Variants in DIAPH2 observed in about 807,000 individuals in gnomAD.
DIAPH2 encodes the protein diaphanous related formin 2.
A neutral mutation model predicts 92.7 loss-of-function variants in DIAPH2; 35 were observed. The ratio of observed to expected loss-of-function variants is 0.38; its 90% confidence interval spans 0.29 to 0.50. The LOEUF is 0.50. DIAPH2 is among the 20% of genes least tolerant of loss of function. The pLI, the probability that DIAPH2 is intolerant of heterozygous loss-of-function variation, is 0.94. For synonymous variants in DIAPH2, 301 were observed against 280.4 expected, an observed-to-expected ratio of 1.07 and a Z score of -0.73; for missense variants, 701 against 819.5, an observed-to-expected ratio of 0.86 and a Z score of 1.77.
intron 20 of DIAPH2, among the ~76,000 whole-genome samples, chrX:97,105,422 G>A (rs148673965): frequency 0.028 from 3,165 of 111,736 alleles, 45 homozygotes; most frequent in Middle Eastern, 0.06. Context: ...ATCTTGTTTA[G>A]GGGGTAGATT....
At position 97,144,772 on chromosome X, in the gene DIAPH2, C is replaced by A. The variant is rs868332529; in HGVS notation, c.2719+2978C>A. 9.8e-5 allele frequency among the ~76,000 whole-genome samples: 6 copies of A among 61,510 alleles called. No homozygotes were observed. In the East Asian group the frequency reaches 4.0e-3, roughly 41 times the overall value. The allele number at this position is 61,510 out of a possible 115,157, so 53.4% of individuals were successfully genotyped here. ...AATTTCTTTCTTTCTTTCTTTCTTT[C>A]TTTCTTTTTTGAGACGAAGTCTTGC... On this transcript the variant is annotated intron_variant, in intron 22 of 26. Coordinates refer to ENST00000324765, the MANE Select transcript of DIAPH2 (RefSeq NM_006729.5).
chrX:96,902,081 T>A (rs2065401396), intron 5 of DIAPH2, among the ~76,000 whole-genome samples: 1 of 111,966 alleles, frequency 8.9e-6, no homozygotes, highest in African/African-American at 3.2e-5. Flanking sequence ...TTCCATGTAT[T>A]TGCATAGCTT....
At chrX:97,473,917 G>A (rs557582696) in intron 26 of DIAPH2, among the ~76,000 whole-genome samples, 213 of 112,367 alleles carry the variant, frequency 1.9e-3, no homozygotes, top group African/African-American at 6.6e-3. Context: ...CAGAGATCAT[G>A]CCACTGCACT....
At chrX:96,969,183 G>T (rs780351584) in intron 17 of DIAPH2, among the ~76,000 whole-genome samples, 24 of 111,665 alleles carry the variant, frequency 2.1e-4, no homozygotes, top group Admixed American at 5.7e-4. Context: ...TCTGCTTTTC[G>T]CTTAGGATTG....
chrX:97,553,825 A>C (rs994541942), intron 26 of DIAPH2, among the ~76,000 whole-genome samples: 1 of 110,577 alleles, frequency 9.0e-6, no homozygotes, highest in East Asian at 2.8e-4. Context: ...TTGTATCTTG[A>C]CTCTTCCTAC....
chrX:97,578,620 G>A (rs2071415329), intron 26 of DIAPH2, among the ~76,000 whole-genome samples: 1 of 83,868 alleles, frequency 1.2e-5, no homozygotes, highest in African/African-American at 4.3e-5. Flanking sequence ...GAATAATGCT[G>A]CAATAAACAT....
rs1158464692 is a variant in DIAPH2, at chrX:97,114,741, A to T, written c.2365A>T (p.Met789Leu). ...TATCTTACAGATGAGCTCTGTGAAA[A>T]TGTTACAGCCTCGTCTCAGTAGTAT... ...QFGVVMSSVK[M>L]LQPRLSSILF... The change falls in exon 21 of 27, where the codon ATG becomes TTG. Residue 789 changes from methionine (M) to leucine (L), a missense_variant. Transcript: ENST00000324765. 1 of 1,204,708 alleles carries T rather than the reference A, an allele frequency of 8.3e-7. No individual in the cohort carries two copies. The highest frequency in any genetic ancestry group is 2.2e-5 in the Admixed American group (1 of 45,165).
intron 25 of DIAPH2, among the ~76,000 whole-genome samples, chrX:97,396,049 A>G (rs2069700469): frequency 8.9e-6 from 1 of 112,480 alleles, no homozygotes; most frequent in Non-Finnish European, 1.9e-5. Flanking sequence ...AATAAAACTG[A>G]CTATATAAGA....
chrX:97,595,436 C>G (rs557673290), intron 26 of DIAPH2, among the ~76,000 whole-genome samples: 2 of 111,926 alleles, frequency 1.8e-5, no homozygotes, highest in Admixed American at 9.5e-5. Context: ...AGCTGGTTAA[C>G]CTGATATTCA....
intron 4 of DIAPH2, among the ~76,000 whole-genome samples, chrX:96,845,181 C>T (rs1360871210): frequency 3.6e-5 from 4 of 111,622 alleles, no homozygotes; most frequent in Admixed American, 1.9e-4. Context: ...GGTTGCACTG[C>T]AATTTTTCTG....
At chrX:96,892,361 C>A (rs908032295) in intron 5 of DIAPH2, among the ~76,000 whole-genome samples, 2 of 112,057 alleles carry the variant, frequency 1.8e-5, no homozygotes, top group African/African-American at 3.2e-5. Context: ...TTTGGAACTT[C>A]TTTGCTTTCA....
intron 17 of DIAPH2, among the ~76,000 whole-genome samples, chrX:97,003,237 A>ATTG (rs2066156993): frequency 9.0e-6 from 1 of 111,248 alleles, no homozygotes; most frequent in African/African-American, 3.3e-5. Context: ...AATCTTAGCT[A>ATTG]TTGTAAACAG....
At chrX:97,071,451 C>T (rs906108393) in intron 17 of DIAPH2, among the ~76,000 whole-genome samples, 2 of 110,568 alleles carry the variant, frequency 1.8e-5, no homozygotes, top group African/African-American at 6.6e-5. Context: ...ATGTTGAATC[C>T]ACATGGCAAA....
At chrX:97,273,226 T>A (rs901128921) in intron 23 of DIAPH2, among the ~76,000 whole-genome samples, 1 of 112,046 alleles carries the variant, frequency 8.9e-6, no homozygotes, top group African/African-American at 3.2e-5. Context: ...AAGCAAAAAC[T>A]TTTGTTTCTG....
chrX:96,731,849 G>T (rs1386268465), intron 1 of DIAPH2, among the ~76,000 whole-genome samples: 1 of 111,523 alleles, frequency 9.0e-6, no homozygotes, highest in Admixed American at 9.5e-5. Context: ...TGCTTTTCCA[G>T]AGTTGATTTT....
chrX:97,490,288 CTT>C (rs371647348), intron 26 of DIAPH2, among the ~76,000 whole-genome samples: 14 of 90,208 alleles, frequency 1.6e-4, no homozygotes, highest in Admixed American at 3.6e-4. Context: ...GATTTTGAAT[CTT>C]TTTTTTTTTT....
At chrX:97,153,244 T>C (rs1018061895) in intron 22 of DIAPH2, among the ~76,000 whole-genome samples, 7 of 111,457 alleles carry the variant, frequency 6.3e-5, no homozygotes, top group African/African-American at 2.3e-4. Context: ...GGATATTAAT[T>C]CCAGTTGATT....
chrX:97,072,922 TCAA>T lies in DIAPH2; in HGVS notation c.2051-16_2051-14del. 1.8e-6 allele frequency: 2 copies of T among 1,109,612 alleles called. No homozygotes were observed. Among genetic ancestry groups the T allele is most frequent in the Non-Finnish European group, 2.4e-6 (2 of 817,601 alleles). The allele number at this position is 1,109,612 out of a possible 1,213,427, so 91.4% of individuals were successfully genotyped here. A position where few individuals can be genotyped will look rare whatever the true frequency, so the allele number is the denominator to read the frequency against. On this transcript the variant is annotated splice_polypyrimidine_tract_variant and intron_variant, in intron 17 of 26. Coordinates refer to ENST00000324765, the MANE Select transcript of DIAPH2 (RefSeq NM_006729.5). ...GATTAGTACCCTTATTGTTTATGAA[TCAA>T]CATTTTTTCTTTCAGTTCAAAAGAA... is the stretch of plus-strand genomic sequence containing the variant.
At chrX:97,112,977 G>A (rs1028472988) in intron 20 of DIAPH2, among the ~76,000 whole-genome samples, 14 of 107,101 alleles carry the variant, frequency 1.3e-4, no homozygotes, top group East Asian at 5.9e-4. Flanking sequence ...ACAGGGTTTC[G>A]CCACGTTGGC....
Sources: allele counts gnomAD v4.1 joint callset (sites outside exome capture counted in the v4.1 genomes callset), GRCh38; gene constraint gnomAD v4.1.1; transcripts MANE v1.5; gene names NCBI Gene and HGNC (gene_info 2026-07-23, HGNC 2026-07-21).